TLDC2: variants seen among roughly 807,000 people sequenced by gnomAD.
TLDC2 encodes TLD domain-containing protein 2.
Under a neutral mutation model 27.9 loss-of-function variants are expected in TLDC2, and 23 were observed. The observed-to-expected ratio is 0.82, with a 90% CI of 0.59 to 1.17. The LOEUF (loss-of-function observed/expected upper bound fraction) is 1.17. Among genes scored for constraint, TLDC2 ranks in the 50% most tolerant of loss-of-function variants. The probability of loss-of-function intolerance (pLI) is 0.00; values close to 1 mark genes in which losing one functional copy is unlikely to be tolerated. For missense variants in TLDC2, 286 were observed against 273.4 expected, an observed-to-expected ratio of 1.05 and a Z score of -0.32; for synonymous variants, 124 against 107.4, an observed-to-expected ratio of 1.16 and a Z score of -0.96.
At chr20:36,884,875 C>CTTTTTTT (rs11480944) in intron 4 of TLDC2, among the ~76,000 whole-genome samples, 2 of 103,230 alleles carry the variant, frequency 1.9e-5, no homozygotes, top group African/African-American at 3.8e-5. Context: ...CACAGAAATT[C>CTTTTTTT]TTTTTTTTTT....
intron 4 of TLDC2, among the ~76,000 whole-genome samples, chr20:36,881,151 G>A (rs960918979): frequency 1.3e-5 from 2 of 152,148 alleles, no homozygotes; most frequent in African/African-American, 2.4e-5. Flanking sequence ...GGCCAACGAA[G>A]GTGGATTGCT....
In TLDC2 at chr20:36,893,903, T is replaced by C. The variant is rs1222381892; in HGVS notation, c.*1059T>C. On this transcript the variant is annotated 3_prime_UTR_variant, in exon 7 of 7. Coordinates refer to ENST00000217320, the MANE Select transcript of TLDC2 (RefSeq NM_080628.3). ...ATGCCTGTTGGTTTCCAGTTAGATTTGGTCAGTGGGAGGCTCTGGTGGGAG... is the reference window on the plus strand; with the variant it reads ...ATGCCTGTTGGTTTCCAGTTAGATTCGGTCAGTGGGAGGCTCTGGTGGGAG... 2 of 398,520 alleles carry C rather than the reference T, an allele frequency of 5.0e-6. No homozygotes were observed. Among genetic ancestry groups the C allele is most frequent in the Non-Finnish European group, 8.8e-6 (2 of 226,096 alleles). The allele number at this position is 398,520 out of a possible 1,614,324, so 24.7% of individuals were successfully genotyped here.
chr20:36,876,662 AAC>A (rs767740399), intron 1 of TLDC2, among the ~76,000 whole-genome samples: 20 of 152,100 alleles, frequency 1.3e-4, no homozygotes, highest in South Asian at 8.3e-4. Context: ...TACACATGCA[AAC>A]ACACACACTC....
chr20:36,877,622 G>T (rs146738598), intron 1 of TLDC2, among the ~76,000 whole-genome samples: 7 of 152,140 alleles, frequency 4.6e-5, no homozygotes, highest in Non-Finnish European at 8.8e-5. Flanking sequence ...CAAGTCGCAC[G>T]GCCCACGGCC....
At chr20:36,885,057 A>G (rs1601099957) in intron 4 of TLDC2, among the ~76,000 whole-genome samples, 1 of 151,862 alleles carries the variant, frequency 6.6e-6, no homozygotes, top group African/African-American at 2.4e-5. Context: ...TTGTATTTTT[A>G]GTAGAGACAG....
intron 4 of TLDC2, among the ~76,000 whole-genome samples, chr20:36,886,435 T>C (rs771701098): frequency 5.3e-5 from 8 of 152,012 alleles, no homozygotes; most frequent in Non-Finnish European, 1.2e-4. Flanking sequence ...TCTACTAAAA[T>C]ACAAAAAGTT....
At chr20:36,887,134 T>A (rs1989937616) in intron 4 of TLDC2, among the ~76,000 whole-genome samples, 1 of 152,044 alleles carries the variant, frequency 6.6e-6, no homozygotes, top group African/African-American at 2.4e-5. Flanking sequence ...AGAAGGGCAG[T>A]ATCAGTTCCC....
chr20:36,890,355 T>TA (rs1990031078), intron 6 of TLDC2: 1 of 145,590 alleles, frequency 6.9e-6, no homozygotes. Flanking sequence ...GCTAAGCTGT[T>TA]AAAATTTCCA....
intron 6 of TLDC2, 69 bp downstream of exon 6, chr20:36,889,472 C>G (rs1346528119): frequency 1.3e-6 from 2 of 1,522,630 alleles, no homozygotes; most frequent in African/African-American, 2.7e-5. Context: ...GTTTGAAACA[C>G]AGATGGTGAA....
rs1383042760 is a variant in TLDC2 at position 36,894,217 on chromosome 20, A to C, written c.*1373A>C. ...CTGGATCTGACTTGATAGAACTATT[A>C]AAAATAGTTTTTAAAAAATGTGTTA... is the stretch of plus-strand genomic sequence containing the variant. On this transcript the variant is annotated 3_prime_UTR_variant, in exon 7 of 7. Coordinates refer to ENST00000217320, the MANE Select transcript of TLDC2 (RefSeq NM_080628.3). 1 of 330,320 alleles carries C rather than the reference A, an allele frequency of 3.0e-6. No homozygotes were observed. The highest frequency in any genetic ancestry group is 4.7e-5 in the East Asian group (1 of 21,080). 20.5% of individuals were successfully genotyped at this position (330,320 alleles called of 1,614,324 possible).
In TLDC2 at chr20:36,889,360, G is replaced by A. The variant is rs1346160166; in HGVS notation, c.622G>A (p.Glu208Lys). Residue 208 changes from glutamate (E) to lysine (K), a missense_variant, in exon 6 of 7, where the codon GAG becomes AAG. By Grantham distance (56) the Glu-to-Lys change is moderately conservative (BLOSUM62 1). Coordinates refer to ENST00000217320, the MANE Select transcript of TLDC2 (RefSeq NM_080628.3). ...LARQEQFCIQ[E>K]LEAWLLS ...CCGGCAGGAGCAGTTCTGCATCCAG[G>A]AGCTGGAGGCTTGGCTTCTCAGCTG... is the stretch of plus-strand genomic sequence containing the variant. The A allele has an allele frequency of 6.2e-7, 1 of 1,614,148 alleles. No homozygotes were observed. The highest frequency in any genetic ancestry group is 1.1e-5 in the South Asian group (1 of 91,082).
At position 36,880,075 on chromosome 20, in the gene TLDC2, A is replaced by ATATATATATG. The variant is rs1555828532; in HGVS notation, c.343-571_343-570insGTATATATAT. ...TTGTGTAGAATATATATATACATAT[A>ATATATATATG]TATATATATATATATATATATATAT... is the stretch of plus-strand genomic sequence containing the variant. On this transcript the variant is annotated intron_variant, in intron 3 of 6. Coordinates refer to ENST00000217320, the MANE Select transcript of TLDC2 (RefSeq NM_080628.3). Among the ~76,000 whole-genome samples the ATATATATATG allele has an allele frequency of 3.0e-4, 12 of 39,990 alleles. 1 individual carries two copies. Among genetic ancestry groups the ATATATATATG allele is most frequent in the African/African-American group, 7.3e-4 (12 of 16,480 alleles). 26.2% of individuals were successfully genotyped at this position (39,990 alleles called of 152,430 possible).
rs1269349077 is a variant in TLDC2 at position 36,876,736 on chromosome 20, CACAT to C, written c.33+533_33+536del. ...TCAAATGCACTCACACACTCAAACA[CACAT>C]ACAGACACACACACATTCAAACACA... is the stretch of plus-strand genomic sequence containing the variant. On this transcript the variant is annotated intron_variant, in intron 1 of 6. Coordinates refer to ENST00000217320, the MANE Select transcript of TLDC2 (RefSeq NM_080628.3). Among the ~76,000 whole-genome samples, 4 of 152,102 alleles carry C rather than the reference CACAT, an allele frequency of 2.6e-5. 1 individual carries two copies. The highest frequency in any genetic ancestry group is 4.4e-5 in the Non-Finnish European group (3 of 68,004).
rs751883575 is a variant in TLDC2 at position 36,880,756 on chromosome 20, G to A, written c.438+6G>A. 5 of 1,613,650 alleles carry A rather than the reference G, an allele frequency of 3.1e-6. No individual in the cohort carries two copies. In the African/African-American group the frequency reaches 6.7e-5, roughly 22 times the overall value. On this transcript the variant is annotated splice_donor_region_variant and intron_variant, in intron 4 of 6. Coordinates refer to ENST00000217320, the MANE Select transcript of TLDC2 (RefSeq NM_080628.3). ...CCTTCTCCCCACAGCTGAAGGTGAT[G>A]TTCCCAACCTTCCATGGGGGGAGTG...
At chr20:36,880,340 T>C (rs1264734146) in intron 3 of TLDC2, among the ~76,000 whole-genome samples, 1 of 151,806 alleles carries the variant, frequency 6.6e-6, no homozygotes, top group Non-Finnish European at 1.5e-5. Flanking sequence ...GTGATCAGCC[T>C]GCCCCAGCCT....
intron 2 of TLDC2, among the ~76,000 whole-genome samples, chr20:36,878,832 G>A (rs1989733412): frequency 1.3e-5 from 2 of 152,008 alleles, no homozygotes; most frequent in South Asian, 4.2e-4. Context: ...CCCTCCCTGG[G>A]CCTCAGTTTC....
In TLDC2 at chr20:36,880,806, C is replaced by T. The variant is rs997979674; in HGVS notation, c.438+56C>T. 78 of 1,539,824 alleles carry T rather than the reference C, an allele frequency of 5.1e-5. 1 individual carries two copies. Among genetic ancestry groups the T allele is most frequent in the Middle Eastern group, 3.5e-4 (2 of 5,772 alleles). The stretch of plus-strand genomic sequence containing the variant: ...GGGGCGTGTGGCGAGACAAAGCTCC[C>T]GGGGTCCCAGTGGCTCCCAGCTCCA... On this transcript the variant is annotated intron_variant, in intron 4 of 6. Coordinates refer to ENST00000217320, the MANE Select transcript of TLDC2 (RefSeq NM_080628.3).
chr20:36,878,267 C>T (rs992699336), intron 2 of TLDC2, among the ~76,000 whole-genome samples: 1 of 152,096 alleles, frequency 6.6e-6, no homozygotes, highest in Non-Finnish European at 1.5e-5. Flanking sequence ...CTACACTGGG[C>T]CAGGAGGTTA....
At chr20:36,884,967 C>T (rs1989891425) in intron 4 of TLDC2, among the ~76,000 whole-genome samples, 1 of 150,528 alleles carries the variant, frequency 6.6e-6, no homozygotes, top group African/African-American at 2.4e-5. Context: ...CAACCTCTGC[C>T]TCCCAGGTTC....
Sources: allele counts gnomAD v4.1 joint callset (sites outside exome capture counted in the v4.1 genomes callset), GRCh38; gene constraint gnomAD v4.1.1; transcripts MANE v1.5; gene names NCBI Gene and HGNC (gene_info 2026-07-23, HGNC 2026-07-21).